The following SLC28A3 variants were observed in gnomAD, a reference collection of about 807,000 sequenced individuals.
SLC28A3 encodes concentrative Na(+)-nucleoside cotransporter 3.
A neutral mutation model predicts 84.2 loss-of-function variants in SLC28A3; 68 were observed. The ratio of observed to expected loss-of-function variants is 0.81; its 90% CI spans 0.66 to 0.99. The LOEUF is 0.99. Ranked by LOEUF, SLC28A3 falls within the 50% of genes least tolerant of loss-of-function variation. The pLI, the probability that SLC28A3 is intolerant of heterozygous loss-of-function variation, is 0.00. For missense variants in SLC28A3, 712 were observed against 841.5 expected, an observed-to-expected ratio of 0.85 and a Z score of 1.90; for synonymous variants, 267 against 303.6, an observed-to-expected ratio of 0.88 and a Z score of 1.25.
At chr9:84,352,923 A>T in the SLC28A3 span, among the ~76,000 whole-genome samples, 2 of 150,288 alleles carry the variant, frequency 1.3e-5, no homozygotes, top group African/African-American at 2.5e-5. Context: ...AAACCTTATT[A>T]AGATGATGAG....
At chr9:84,291,207 C>A (rs1485292195) in intron 10 of SLC28A3, among the ~76,000 whole-genome samples, 1 of 152,162 alleles carries the variant, frequency 6.6e-6, no homozygotes, top group Non-Finnish European at 1.5e-5. Flanking sequence ...TAGGAGCAAT[C>A]AACTCAAGAT....
chr9:84,318,084 C>T (rs187108405), intron 1 of SLC28A3, among the ~76,000 whole-genome samples: 11 of 152,244 alleles, frequency 7.2e-5, no homozygotes, highest in East Asian at 3.9e-4. Context: ...AGTCCTTGAT[C>T]GTTATCTATT....
At chr9:84,309,880 G>A (rs151058431) in intron 2 of SLC28A3, among the ~76,000 whole-genome samples, 166 bp from the exon 3 acceptor site, 4 of 151,830 alleles carry the variant, frequency 2.6e-5, no homozygotes, top group East Asian at 3.9e-4. Flanking sequence ...TTTTTTTCCC[G>A]GCTTATAATC....
chr9:84,305,190 G>T, intron 4 of SLC28A3, 64 bp downstream of exon 4: 2 of 1,249,546 alleles, frequency 1.6e-6, no homozygotes, highest in Non-Finnish European at 1.1e-6. Context: ...GTTAATATTT[G>T]GGGGAATCCC....
intron 1 of SLC28A3, among the ~76,000 whole-genome samples, chr9:84,329,712 G>A (rs2118571993): frequency 6.6e-6 from 1 of 151,876 alleles, no homozygotes; most frequent in South Asian, 2.1e-4. Flanking sequence ...CTTAGAGTGA[G>A]ACTCTGTCTC....
At chr9:84,357,413 T>G in the SLC28A3 span, among the ~76,000 whole-genome samples, 2 of 152,088 alleles carry the variant, frequency 1.3e-5, no homozygotes, top group East Asian at 3.9e-4. Context: ...GATGTGTCAC[T>G]TGACACAGCA....
chr9:84,296,046 G>C (rs527814787), intron 8 of SLC28A3, among the ~76,000 whole-genome samples: 9 of 152,320 alleles, frequency 5.9e-5, no homozygotes, highest in African/African-American at 1.9e-4. Context: ...AAGAATAGGG[G>C]CCACTGCCCT....
intron 1 of SLC28A3, among the ~76,000 whole-genome samples, chr9:84,324,975 A>G (rs1247029601): frequency 6.6e-6 from 1 of 152,144 alleles, no homozygotes; most frequent in Non-Finnish European, 1.5e-5. Flanking sequence ...TTTAATTACA[A>G]CCCCTTATGA....
rs898546690 is a variant in SLC28A3, at chr9:84,277,947, G to C, written c.*271C>G. Reference sequence around the variant, plus strand: ...GGTGAAATGCCTTGCAAACATTAAAGTCAGAAAATCCCATTGAGACTGGAA... The same window carrying C: ...GGTGAAATGCCTTGCAAACATTAAACTCAGAAAATCCCATTGAGACTGGAA... On this transcript the variant is annotated 3_prime_UTR_variant, in exon 18 of 18. Coordinates refer to ENST00000376238, the MANE Select transcript of SLC28A3 (RefSeq NM_001199633.2). The C allele has an allele frequency of 2.2e-5, 9 of 405,226 alleles. No individual in the cohort carries two copies. Among genetic ancestry groups the C allele is most frequent in the South Asian group, 1.6e-4 (4 of 25,104 alleles). The allele number at this position is 405,226 out of a possible 1,614,324, so 25.1% of individuals were successfully genotyped here. A position where few individuals can be genotyped will look rare whatever the true frequency, so the allele number is the denominator to read the frequency against.
the SLC28A3 span, among the ~76,000 whole-genome samples, chr9:84,364,812 A>G: frequency 6.6e-6 from 1 of 152,134 alleles, no homozygotes. Context: ...TAACATAATG[A>G]TCTCCAGTTT....
At chr9:84,321,668 A>G (rs1001650368) in intron 1 of SLC28A3, among the ~76,000 whole-genome samples, 1 of 144,102 alleles carries the variant, frequency 6.9e-6, no homozygotes, top group Non-Finnish European at 1.5e-5. Flanking sequence ...CGGGAGGCAG[A>G]GCTTGCAGTG....
At chr9:84,368,037 G>GA in the SLC28A3 span, among the ~76,000 whole-genome samples, 1 of 152,074 alleles carries the variant, frequency 6.6e-6, no homozygotes, top group African/African-American at 2.4e-5. Context: ...CGGGTTGGGG[G>GA]ATGGTAAGGT....
At position 84,313,458 on chromosome 9, in the gene SLC28A3, A is replaced by C; in HGVS notation, c.61-4T>G. The C allele has an allele frequency of 6.2e-7, 1 of 1,612,640 alleles. No homozygotes were observed. The highest frequency in any genetic ancestry group is 8.5e-7 in the Non-Finnish European group (1 of 1,179,084). ...TCTCAAGAAAGTTTTCTTCATTCTA[A>C]GAAAAAAGTGCAGATTGAAAAAATA... On this transcript the variant is annotated splice_polypyrimidine_tract_variant and splice_region_variant and intron_variant, in intron 1 of 17. Transcript: ENST00000376238.
rs1179844289 is a variant in SLC28A3 at position 84,275,849 on chromosome 9, A to T, written c.*2369T>A. Reference sequence around the variant, plus strand: ...AGCATTAATAAGGAATCAACGTAGGACCTATGTGAACATGTTGCATTTATA... The same window carrying T: ...AGCATTAATAAGGAATCAACGTAGGTCCTATGTGAACATGTTGCATTTATA... On this transcript the variant is annotated 3_prime_UTR_variant, in exon 18 of 18. Transcript: ENST00000376238. 1 of 152,198 alleles carries T rather than the reference A, an allele frequency of 6.6e-6. No individual in the cohort carries two copies. Among genetic ancestry groups the T allele is most frequent in the Non-Finnish European group, 1.5e-5 (1 of 68,038 alleles). The allele number at this position is 152,198 out of a possible 1,614,324, so 9.4% of individuals were successfully genotyped here.
upstream of SLC28A3, among the ~76,000 whole-genome samples, chr9:84,343,554 C>T (rs562432942): frequency 7.1e-4 from 108 of 152,246 alleles, no homozygotes; most frequent in African/African-American, 2.5e-3. Flanking sequence ...GAGGGTCACA[C>T]CTAACCTTCT....
chr9:84,287,983 T>C (rs1825063206), intron 12 of SLC28A3, 65 bp downstream of exon 12: 3 of 1,602,482 alleles, frequency 1.9e-6, no homozygotes. Flanking sequence ...TTGCTGTACA[T>C]TGACTCCTGG....
the SLC28A3 span, among the ~76,000 whole-genome samples, chr9:84,364,323 G>A: frequency 2.0e-5 from 3 of 151,898 alleles, no homozygotes; most frequent in Non-Finnish European, 2.9e-5. Context: ...GGGTTTCGCC[G>A]TGTTGGCAGG....
chr9:84,282,209 A>G (rs1395502550), intron 14 of SLC28A3, among the ~76,000 whole-genome samples: 1 of 152,006 alleles, frequency 6.6e-6, no homozygotes, highest in Non-Finnish European at 1.5e-5. Context: ...AAGACTGGCT[A>G]TTGGTTGCCT....
chr9:84,281,194 C>T (rs897843983), intron 14 of SLC28A3, among the ~76,000 whole-genome samples: 1 of 152,132 alleles, frequency 6.6e-6, no homozygotes, highest in Admixed American at 6.5e-5. Flanking sequence ...CCATCTGCTA[C>T]AGTGTGCCAG....
Sources: gnomAD v4.1 joint callset for allele counts (sites outside exome capture counted in the v4.1 genomes callset) on GRCh38, gnomAD v4.1.1 for gene constraint, MANE v1.5 for transcripts, NCBI Gene and HGNC (gene_info 2026-07-23, HGNC 2026-07-21) for gene names.